Variants in TRAPPC9 observed in about 807,000 individuals in gnomAD.
TRAPPC9 encodes the protein trafficking protein particle complex subunit 9.
Under a neutral mutation model 124.0 loss-of-function variants are expected in TRAPPC9, and 83 were observed. The ratio of observed to expected loss-of-function variants is 0.67; its 90% confidence interval spans 0.56 to 0.80. The LOEUF is 0.80. TRAPPC9 is among the 30% of genes least tolerant of loss of function. The pLI, the probability that TRAPPC9 is intolerant of heterozygous loss-of-function variation, is 0.00. For synonymous variants in TRAPPC9, 638 were observed against 617.5 expected (o/e 1.03, Z -0.49); for missense variants, 1,302 against 1,508.3 (o/e 0.86, Z 2.27).
intron 9 of TRAPPC9, among the ~76,000 whole-genome samples, chr8:140,329,434 C>T (rs1361137151): frequency 6.6e-6 from 1 of 152,178 alleles, no homozygotes; most frequent in Admixed American, 6.5e-5. Flanking sequence ...TCCTAGGGAG[C>T]ACATGGCATT....
intron 21 of TRAPPC9, among the ~76,000 whole-genome samples, chr8:139,743,367 C>T (rs373101367): frequency 2.6e-5 from 4 of 152,184 alleles, no homozygotes; most frequent in Non-Finnish European, 5.9e-5. Context: ...ACTTCAGTTG[C>T]AAATATCTAA....
At position 140,006,684 on chromosome 8, in the gene TRAPPC9, T is replaced by C. The variant is rs113316001; in HGVS notation, c.2699+17253A>G. On this transcript the variant is annotated intron_variant, in intron 18 of 22. Coordinates refer to ENST00000438773, the MANE Select transcript of TRAPPC9 (RefSeq NM_001160372.4). The stretch of plus-strand genomic sequence containing the variant: ...CAATAAAAAGAAATAACATACATAA[T>C]TGTGGTTGAATCTTGAAAACAACAC... Among the ~76,000 whole-genome samples, 21 of 152,348 alleles carry C rather than the reference T, an allele frequency of 1.4e-4. 1 individual carries two copies. The highest frequency in any genetic ancestry group is 4.8e-4 in the African/African-American group (20 of 41,574).
At chr8:140,275,889 C>T (rs2065102626) in intron 14 of TRAPPC9, 68 bp from the exon 15 acceptor site, 8 of 1,304,820 alleles carry the variant, frequency 6.1e-6, no homozygotes, top group Non-Finnish European at 7.7e-6. Flanking sequence ...AAATTACTCA[C>T]TTCCCAAAGA....
intron 17 of TRAPPC9, among the ~76,000 whole-genome samples, chr8:140,030,562 C>T (rs865978124): frequency 5.9e-5 from 9 of 152,150 alleles, no homozygotes; most frequent in East Asian, 1.9e-4. Flanking sequence ...TAAATGTCCA[C>T]GGAGACTTTA....
chr8:140,020,940 C>A (rs1474635385), intron 18 of TRAPPC9, among the ~76,000 whole-genome samples: 1 of 152,158 alleles, frequency 6.6e-6, no homozygotes, highest in Non-Finnish European at 1.5e-5. Context: ...ATACCCAAAC[C>A]AACTAAATAA....
At chr8:140,047,128 C>T (rs957060524) in intron 17 of TRAPPC9, among the ~76,000 whole-genome samples, 3 of 152,334 alleles carry the variant, frequency 2.0e-5, no homozygotes, top group African/African-American at 7.2e-5. Flanking sequence ...CAGCCTCTCC[C>T]GGCACAGCCT....
intron 17 of TRAPPC9, among the ~76,000 whole-genome samples, chr8:140,186,950 T>A (rs2062366474): frequency 6.6e-6 from 1 of 152,226 alleles, no homozygotes; most frequent in Non-Finnish European, 1.5e-5. Context: ...TAAATGCTGT[T>A]ATTTTTATTC....
intron 7 of TRAPPC9, among the ~76,000 whole-genome samples, chr8:140,371,861 G>C (rs970159853): frequency 6.6e-6 from 1 of 152,048 alleles, no homozygotes; most frequent in African/African-American, 2.4e-5. Context: ...CCACCCCCAT[G>C]CTGGCTAATT....
At chr8:140,424,928 T>C (rs1004097833) in intron 5 of TRAPPC9, among the ~76,000 whole-genome samples, 5 of 152,144 alleles carry the variant, frequency 3.3e-5, no homozygotes, top group African/African-American at 1.2e-4. Context: ...CAAATGAAAG[T>C]GATGTAATTT....
chr8:139,800,988 C>A (rs140832767), intron 21 of TRAPPC9, among the ~76,000 whole-genome samples: 1 of 148,090 alleles, frequency 6.8e-6, no homozygotes, highest in Non-Finnish European at 1.5e-5. Flanking sequence ...CATCTTCCCC[C>A]GCTCTGGCAC....
chr8:139,911,634 G>C (rs766414773), intron 19 of TRAPPC9, among the ~76,000 whole-genome samples: 3 of 152,004 alleles, frequency 2.0e-5, no homozygotes, highest in Non-Finnish European at 4.4e-5. Flanking sequence ...GAACCAAGGA[G>C]GCGGAAGTTG....
intron 10 of TRAPPC9, among the ~76,000 whole-genome samples, chr8:140,310,278 AG>A (rs1319415034): frequency 2.6e-5 from 4 of 152,194 alleles, no homozygotes; most frequent in Non-Finnish European, 4.4e-5. Flanking sequence ...GGAATGCAGC[AG>A]GCCCGTGAGT....
chr8:139,859,004 T>A (rs1314598340), intron 21 of TRAPPC9, among the ~76,000 whole-genome samples: 1 of 150,584 alleles, frequency 6.6e-6, no homozygotes, highest in Non-Finnish European at 1.5e-5. Flanking sequence ...AGATGTCACG[T>A]CTTCATGGGT....
chr8:139,934,742 G>C (rs1030277440), intron 19 of TRAPPC9, among the ~76,000 whole-genome samples: 8 of 152,128 alleles, frequency 5.3e-5, no homozygotes, highest in African/African-American at 1.9e-4. Flanking sequence ...TAGACACATG[G>C]GGCCCAATCG....
chr8:139,988,841 G>A lies in TRAPPC9; in HGVS notation c.2700-5C>T, dbSNP rs375581400. 4 of 1,539,446 alleles carry A rather than the reference G, an allele frequency of 2.6e-6. No homozygotes were observed. The highest frequency in any genetic ancestry group is 2.4e-5 in the East Asian group (1 of 40,854). The stretch of plus-strand genomic sequence containing the variant: ...AGCAGGTGACACTGCCGGGTACTGC[G>A]TTAAAGAAAAAAGAAAGTTCAGAAT... On this transcript the variant is annotated splice_region_variant and splice_polypyrimidine_tract_variant and intron_variant, in intron 18 of 22. Transcript: ENST00000438773.
chr8:140,448,399 T>G (rs1305370354), intron 2 of TRAPPC9, among the ~76,000 whole-genome samples: 1 of 152,198 alleles, frequency 6.6e-6, no homozygotes, highest in Non-Finnish European at 1.5e-5. Context: ...TCAGTCCTTA[T>G]CCACTATGCG....
At chr8:139,881,176 G>A (rs1435917762) in intron 21 of TRAPPC9, 1 of 152,168 alleles carries the variant, frequency 6.6e-6, no homozygotes, top group African/African-American at 2.4e-5. Context: ...GTGGCCTCTG[G>A]CTGGAGAGAC....
In TRAPPC9 at chr8:139,928,886, T is replaced by C. The variant is rs144609079; in HGVS notation, c.2811-18586A>G. Among the ~76,000 whole-genome samples, 273 of 152,022 alleles carry C rather than the reference T, an allele frequency of 1.8e-3. 2 individuals carry two copies. Among genetic ancestry groups the C allele is most frequent in the South Asian group, 8.2e-3 (39 of 4,762 alleles). On this transcript the variant is annotated intron_variant, in intron 19 of 22. Transcript: ENST00000438773. ...GAGAGGAAGAATGCATCACAGCCCG[T>C]TGATTCTCCACAGTCCCTTGCATCA...
chr8:140,336,551 C>T (rs2067045810), intron 9 of TRAPPC9, among the ~76,000 whole-genome samples: 1 of 152,176 alleles, frequency 6.6e-6, no homozygotes, highest in Non-Finnish European at 1.5e-5. Context: ...GATCAAGGCC[C>T]CAGTAACGCA....
Sources: gnomAD v4.1 joint callset for allele counts (sites outside exome capture counted in the v4.1 genomes callset) on GRCh38, gnomAD v4.1.1 for gene constraint, MANE v1.5 for transcripts, NCBI Gene and HGNC (gene_info 2026-07-23, HGNC 2026-07-21) for gene names.